The following PCDH15 variants were observed in gnomAD, a reference collection of about 807,000 sequenced individuals.
The protein encoded by PCDH15 is protocadherin related 15.
PCDH15 carries 129 observed loss-of-function variants against 178.5 expected under a neutral mutation model. That is an observed-to-expected ratio of 0.72 (90% CI 0.63 to 0.84). The LOEUF (loss-of-function observed/expected upper bound fraction) is 0.84. Ranked by LOEUF, PCDH15 falls within the 40% of genes least tolerant of loss-of-function variation. The probability of loss-of-function intolerance (pLI) is 0.00; values close to 1 mark genes in which losing one functional copy is unlikely to be tolerated. For missense variants in PCDH15, 2,230 were observed against 2,099.9 expected (o/e 1.06, Z -1.21); for synonymous variants, 800 against 732.0 (o/e 1.09, Z -1.50).
intron 1 of PCDH15, among the ~76,000 whole-genome samples, chr10:54,710,252 A>T (rs1273859388): frequency 2.7e-4 from 41 of 152,042 alleles, no homozygotes. Context: ...GGTAAATGAA[A>T]CATCAGTTTT....
intron 8 of PCDH15, among the ~76,000 whole-genome samples, chr10:54,295,414 C>G (rs997830436): frequency 1.3e-5 from 2 of 152,208 alleles, no homozygotes; most frequent in Non-Finnish European, 2.9e-5. Context: ...TCAACCTGCT[C>G]GGATCCCCTT....
intron 2 of PCDH15, among the ~76,000 whole-genome samples, chr10:55,594,987 C>G (rs770601839): frequency 4.6e-5 from 7 of 152,008 alleles, no homozygotes; most frequent in Non-Finnish European, 8.8e-5. Flanking sequence ...GGCTGCCTTA[C>G]TTAATGTAAC....
chr10:55,027,678 A>C (rs189036085), intron 2 of PCDH15, among the ~76,000 whole-genome samples: 12 of 151,976 alleles, frequency 7.9e-5, no homozygotes, highest in Admixed American at 5.9e-4. Flanking sequence ...CATAGTTCAT[A>C]ATATAGCGAT....
chr10:54,991,412 T>C (rs960587361), intron 2 of PCDH15, among the ~76,000 whole-genome samples: 4 of 152,158 alleles, frequency 2.6e-5, no homozygotes, highest in Admixed American at 6.5e-5. Flanking sequence ...AAGCTGGGCA[T>C]GTATACTGTA....
In PCDH15 at chr10:55,372,984, G is replaced by A. The variant is rs182209777; in HGVS notation, c.-155-206333C>T. Among the ~76,000 whole-genome samples, 223 of 152,206 alleles carry A rather than the reference G, an allele frequency of 1.5e-3. 1 individual carries two copies. Among genetic ancestry groups the A allele is most frequent in the South Asian group, 0.012 (57 of 4,826 alleles). ...ACCATGATATTTTTAGGAGGTTGTA[G>A]CCTTTGTGAGTCTAGTGCTGAGCTA... On this transcript the variant is annotated intron_variant, in intron 2 of 5. Transcript: ENST00000613346.
chr10:54,761,297 T>C (rs1489458420), intron 1 of PCDH15, among the ~76,000 whole-genome samples: 1 of 152,184 alleles, frequency 6.6e-6, no homozygotes, highest in South Asian at 2.1e-4. Flanking sequence ...TATGACCTAC[T>C]AATTAGTCAC....
chr10:55,456,454 C>T (rs1028392045), intron 2 of PCDH15, among the ~76,000 whole-genome samples: 60 of 151,950 alleles, frequency 3.9e-4, no homozygotes, highest in African/African-American at 1.4e-3. Flanking sequence ...CTGTGTTAAA[C>T]GTCTCATAAA....
intron 3 of PCDH15, among the ~76,000 whole-genome samples, chr10:54,821,411 T>C (rs1349238638): frequency 6.6e-6 from 1 of 151,772 alleles, no homozygotes; most frequent in Non-Finnish European, 1.5e-5. Flanking sequence ...CTAACCCTTT[T>C]TAATAAAAAA....
intron 3 of PCDH15, among the ~76,000 whole-genome samples, chr10:54,881,444 T>C (rs937513973): frequency 2.0e-5 from 3 of 152,168 alleles, no homozygotes; most frequent in Non-Finnish European, 4.4e-5. Flanking sequence ...TGTGCTTTTC[T>C]TTTTTTAATT....
At chr10:54,594,568 C>T (rs952394478) in intron 2 of PCDH15, among the ~76,000 whole-genome samples, 2 of 152,130 alleles carry the variant, frequency 1.3e-5, no homozygotes, top group Non-Finnish European at 1.5e-5. Context: ...CCTGTGTATA[C>T]ATATAAGACT....
At chr10:54,892,890 T>C (rs1954487165) in intron 3 of PCDH15, among the ~76,000 whole-genome samples, 2 of 151,906 alleles carry the variant, frequency 1.3e-5, no homozygotes, top group Non-Finnish European at 2.9e-5. Context: ...CCACACCTAT[T>C]TCTAAAAGAT....
intron 2 of PCDH15, among the ~76,000 whole-genome samples, chr10:54,547,004 G>A (rs950213060): frequency 6.6e-6 from 1 of 152,122 alleles, no homozygotes; most frequent in African/African-American, 2.4e-5. Flanking sequence ...CTGTAGGCAG[G>A]AGCTTCATAT....
intron 3 of PCDH15, among the ~76,000 whole-genome samples, chr10:54,516,432 A>T (rs1312995718): frequency 6.6e-6 from 1 of 152,094 alleles, no homozygotes; most frequent in African/African-American, 2.4e-5. Context: ...TCAGGAGCCG[A>T]TGAGATCAAC....
At chr10:55,484,012 G>A (rs1294684399) in intron 2 of PCDH15, among the ~76,000 whole-genome samples, 2 of 151,778 alleles carry the variant, frequency 1.3e-5, no homozygotes, top group South Asian at 2.1e-4. Context: ...AACATGGATG[G>A]ATCTGGAGGC....
intron 27 of PCDH15, among the ~76,000 whole-genome samples, chr10:53,863,672 G>A (rs937968890): frequency 6.6e-6 from 1 of 152,054 alleles, no homozygotes; most frequent in Admixed American, 6.6e-5. Context: ...ATAATTTTTG[G>A]AAGATAGAAA....
intron 1 of PCDH15, among the ~76,000 whole-genome samples, chr10:55,254,606 T>G (rs1477931577): frequency 6.6e-6 from 1 of 152,172 alleles, no homozygotes; most frequent in Admixed American, 6.5e-5. Flanking sequence ...AAGATTGCCT[T>G]TCTCAAGGAA....
chr10:55,554,449 C>T (rs1358617566), intron 2 of PCDH15, among the ~76,000 whole-genome samples: 1 of 151,894 alleles, frequency 6.6e-6, no homozygotes, highest in Non-Finnish European at 1.5e-5. Context: ...GACATCTTAC[C>T]TTAGTGAGGT....
intron 2 of PCDH15, among the ~76,000 whole-genome samples, chr10:55,118,679 T>C (rs1837686835): frequency 6.6e-6 from 1 of 152,194 alleles, no homozygotes; most frequent in Non-Finnish European, 1.5e-5. Context: ...CTTGTAAAAA[T>C]GCAGATTCTG....
intron 3 of PCDH15, among the ~76,000 whole-genome samples, chr10:54,886,619 G>A (rs144265377): frequency 1.3e-4 from 20 of 152,316 alleles, no homozygotes; most frequent in African/African-American, 4.8e-4. Context: ...AAAACTAGGC[G>A]GGTGTGGTGG....
Sources: allele counts gnomAD v4.1 joint callset (sites outside exome capture counted in the v4.1 genomes callset), GRCh38; gene constraint gnomAD v4.1.1; transcripts MANE v1.5; gene names NCBI Gene and HGNC (gene_info 2026-07-23, HGNC 2026-07-21).